Variants in LMF1 observed in about 807,000 individuals in gnomAD.
The protein encoded by LMF1 is lipase maturation factor 1, also known as transmembrane protein 112.
In LMF1, 68 loss-of-function variants were observed where a neutral mutation model predicts 60.6. That is an observed-to-expected ratio of 1.12 (90% confidence interval 0.92 to 1.37). LMF1 has a LOEUF of 1.37. LMF1 is among the 40% of genes most tolerant of loss of function. The probability of loss-of-function intolerance (pLI) is 0.00; values close to 1 mark genes in which losing one functional copy is unlikely to be tolerated. For missense variants in LMF1, 948 were observed against 767.2 expected, an observed-to-expected ratio of 1.24 and a Z score of -2.78; for synonymous variants, 418 against 324.7, an observed-to-expected ratio of 1.29 and a Z score of -3.09.
chr16:928,772 C>T (rs112337377), intron 3 of LMF1, among the ~76,000 whole-genome samples: 10,973 of 151,816 alleles, frequency 0.072, 453 homozygotes, highest in Non-Finnish European at 0.091. Context: ...CCCATCCCTA[C>T]ACCCCCATGG....
chr16:954,785 G>T (rs186958044), intron 1 of LMF1, 119 bp from the exon 2 acceptor site: 1 of 914,028 alleles, frequency 1.1e-6, no homozygotes, highest in African/African-American at 1.7e-5. Context: ...TCTGGCTGAC[G>T]GTTTGGGGCC....
intron 3 of LMF1, among the ~76,000 whole-genome samples, chr16:912,231 G>A (rs1273593736): frequency 2.6e-5 from 4 of 151,958 alleles, no homozygotes; most frequent in Non-Finnish European, 1.5e-5. Context: ...GAGACTCGCA[G>A]GGGCAGCATC....
At chr16:941,305 GCCT>G (rs769273231) in intron 2 of LMF1, among the ~76,000 whole-genome samples, 1 of 151,756 alleles carries the variant, frequency 6.6e-6, no homozygotes, top group Non-Finnish European at 1.5e-5. Flanking sequence ...TGCAACCTCT[GCCT>G]CCTGGGTTCA....
At chr16:921,096 C>T (rs1171475403) in intron 3 of LMF1, 2 of 152,254 alleles carry the variant, frequency 1.3e-5, no homozygotes, top group Admixed American at 6.5e-5. Flanking sequence ...CAGAACGGGC[C>T]CCATCACAGA....
Position 853,945 on chromosome 16 carries a change from C to A in LMF1, c.*587G>T. On this transcript the variant is annotated 3_prime_UTR_variant, in exon 11 of 11. Transcript: ENST00000262301. ...TGTGTGTGCCTGCATGTGTGGGATG[C>A]GTGTAGGCTGTGGCGGGGGTGGAGA... The A allele has an allele frequency of 2.2e-6, 1 of 454,022 alleles. No individual in the cohort carries two copies. Among genetic ancestry groups the A allele is most frequent in the Non-Finnish European group, 4.4e-6 (1 of 226,780 alleles). 28.1% of individuals were successfully genotyped at this position (454,022 alleles called of 1,614,324 possible).
intron 3 of LMF1, chr16:931,538 C>T (rs117085627): frequency 0.011 from 10,908 of 983,568 alleles, 77 homozygotes; most frequent in Middle Eastern, 0.027. Context: ...CCGTCCCGAA[C>T]GAGGCCACAG....
In LMF1 at chr16:874,290, G is replaced by C. The variant is rs904757480; in HGVS notation, c.898-2949C>G. Among the ~76,000 whole-genome samples the C allele has an allele frequency of 6.6e-6, 1 of 152,126 alleles. No homozygotes were observed. The highest frequency in any genetic ancestry group is 2.4e-5 in the African/African-American group (1 of 41,432). On this transcript the variant is annotated intron_variant, in intron 6 of 10. Transcript: ENST00000262301. This position sits in a 1 kb window ranked among gnomAD's most constrained non-coding sequence, Gnocchi z 4.1. Reference sequence around the variant, plus strand: ...TGTGTGCGGGGCTGGCAGGGCCTCCGGGCCTCTGTCTTGAGCGGGCGTGGG... The same window carrying C: ...TGTGTGCGGGGCTGGCAGGGCCTCCCGGCCTCTGTCTTGAGCGGGCGTGGG...
In LMF1 at chr16:854,902, A is replaced by C. The variant is rs2069146497; in HGVS notation, c.1530-196T>G. ...GGCAACTGTTCCAGTCGGCACCCTC[A>C]GCAGTGAACAGCGCAGCAAGGGGGA... On this transcript the variant is annotated intron_variant, in intron 10 of 10. Coordinates refer to ENST00000262301, the MANE Select transcript of LMF1 (RefSeq NM_022773.4). 4 of 628,276 alleles carry C rather than the reference A, an allele frequency of 6.4e-6. No homozygotes were observed. In the Admixed American group the frequency reaches 9.8e-5, roughly 15 times the overall value. 38.9% of individuals were successfully genotyped at this position (628,276 alleles called of 1,614,324 possible). A position where few individuals can be genotyped will look rare whatever the true frequency, so the allele number is the denominator to read the frequency against.
At chr16:978,371 A>G (rs1424761026) in intron 1 of LMF1, among the ~76,000 whole-genome samples, 2 of 150,070 alleles carry the variant, frequency 1.3e-5, no homozygotes, top group African/African-American at 4.9e-5. Flanking sequence ...ACACATGAAC[A>G]CACGCGCCTC....
intron 5 of LMF1, among the ~76,000 whole-genome samples, chr16:888,067 C>G (rs528062490): frequency 6.6e-6 from 1 of 152,364 alleles, no homozygotes; most frequent in African/African-American, 2.4e-5. Flanking sequence ...GTCTGTAGCC[C>G]TGACAGCATC....
At chr16:942,979 T>C (rs897964812) in intron 2 of LMF1, among the ~76,000 whole-genome samples, 3 of 152,258 alleles carry the variant, frequency 2.0e-5, no homozygotes, top group African/African-American at 4.8e-5. Context: ...GGCTATCTTC[T>C]ACCCACCTCC....
chr16:863,963 G>A (rs539192981), intron 10 of LMF1, among the ~76,000 whole-genome samples: 2 of 152,248 alleles, frequency 1.3e-5, no homozygotes, highest in South Asian at 4.1e-4. Flanking sequence ...ACATCATTAG[G>A]CCCTGCCTGT....
At position 853,701 on chromosome 16, in the gene LMF1, A is replaced by G. The variant is rs138990034; in HGVS notation, c.*831T>C. The G allele has an allele frequency of 1.4e-4, 62 of 454,110 alleles. 2 individuals are homozygous for G. The highest frequency in any genetic ancestry group is 1.0e-3 in the African/African-American group (50 of 50,124). The allele number at this position is 454,110 out of a possible 1,614,324, so 28.1% of individuals were successfully genotyped here. ...GAATATGCCATAGCTATGGCTCAAG[A>G]ATAGGAATAAGAAAAATGTGCAGTA... On this transcript the variant is annotated 3_prime_UTR_variant, in exon 11 of 11. Coordinates refer to ENST00000262301, the MANE Select transcript of LMF1 (RefSeq NM_022773.4).
At chr16:859,943 GGGATGGGTGTGCAGTGATGGTACC>G (rs1305588008) in intron 10 of LMF1, among the ~76,000 whole-genome samples, 39 of 126,502 alleles carry the variant, frequency 3.1e-4, no homozygotes, top group African/African-American at 1.2e-3. Context: ...GTGGTGTCAC[GGGATGGGTGTGCAGTGATGGTACC>G]GGATGGGTGT....
chr16:888,135 C>T (rs537577541), intron 5 of LMF1, among the ~76,000 whole-genome samples: 36 of 152,346 alleles, frequency 2.4e-4, no homozygotes, highest in African/African-American at 6.3e-4. Context: ...CAGACAGGCC[C>T]GGCCTCGGCC....
intron 9 of LMF1, chr16:869,611 G>T (rs577003595): frequency 3.1e-6 from 2 of 655,654 alleles, no homozygotes; most frequent in African/African-American, 3.5e-5. Flanking sequence ...TAGATACAGG[G>T]TCTCGCTATG....
At chr16:947,378 G>C in intron 2 of LMF1, 1 of 422,272 alleles carries the variant, frequency 2.4e-6, no homozygotes, top group African/African-American at 2.0e-5. Flanking sequence ...AGGTGTTGCA[G>C]GTACTTGTGG....
At chr16:889,654 G>C (rs2070419925) in intron 5 of LMF1, among the ~76,000 whole-genome samples, 1 of 152,204 alleles carries the variant, frequency 6.6e-6, no homozygotes, top group Admixed American at 6.5e-5. Context: ...GAATCGGAAA[G>C]ACAGCAAAAG....
chr16:969,891 G>A (rs1272225193), intron 1 of LMF1, among the ~76,000 whole-genome samples: 3 of 152,242 alleles, frequency 2.0e-5, no homozygotes, highest in African/African-American at 7.2e-5. Context: ...TGGGTTGTAG[G>A]GACTGGGGAG....
Sources: allele counts gnomAD v4.1 joint callset (sites outside exome capture counted in the v4.1 genomes callset), GRCh38; gene constraint gnomAD v4.1.1; non-coding constraint Gnocchi (gnomAD v3.1); transcripts MANE v1.5; gene names NCBI Gene and HGNC (gene_info 2026-07-23, HGNC 2026-07-21).